Variants in CDH4 observed in about 807,000 individuals in gnomAD.
CDH4 encodes cadherin-4.
CDH4 carries 33 observed loss-of-function variants against 86.0 expected under a neutral mutation model. The ratio of observed to expected loss-of-function variants is 0.38; its 90% CI spans 0.29 to 0.51. The LOEUF is 0.51. CDH4 is among the 20% of genes least tolerant of loss of function. The probability of loss-of-function intolerance (pLI) is 0.86; values close to 1 mark genes in which losing one functional copy is unlikely to be tolerated. For missense variants in CDH4, 1,114 were observed against 1,307.4 expected (o/e 0.85, Z 2.28); for synonymous variants, 555 against 549.4 (o/e 1.01, Z -0.14).
intron 2 of CDH4, among the ~76,000 whole-genome samples, chr20:61,617,128 G>A (rs2086731443): frequency 6.6e-6 from 1 of 152,146 alleles, no homozygotes; most frequent in African/African-American, 2.4e-5. Flanking sequence ...ATCGGCCTTG[G>A]CTCCCACCGC....
chr20:61,644,534 G>A (rs537321281), intron 2 of CDH4, among the ~76,000 whole-genome samples: 6 of 152,194 alleles, frequency 3.9e-5, no homozygotes, highest in South Asian at 2.1e-4. Flanking sequence ...TGACGTGAGC[G>A]GGCTTTCCAG....
chr20:61,608,868 C>T (rs112164912), intron 2 of CDH4, among the ~76,000 whole-genome samples: 9 of 152,150 alleles, frequency 5.9e-5, no homozygotes, highest in East Asian at 5.8e-4. Context: ...GTCCACCTTC[C>T]GTATGCAGAG....
At position 61,684,784 on chromosome 20, in the gene CDH4, G is replaced by A. The variant is rs1045564428; in HGVS notation, c.170-58779G>A. ...CTCCCTCAATCTGCAGCCCACAGCC[G>A]CCTGCCGTGACCACCCCTCGATGTG... On this transcript the variant is annotated intron_variant, in intron 2 of 15. Transcript: ENST00000614565. The surrounding 1 kb of genome is among the most constrained non-coding windows in gnomAD (Gnocchi z 4.5). Among the ~76,000 whole-genome samples the A allele has an allele frequency of 1.3e-5, 2 of 152,068 alleles. No individual in the cohort carries two copies. The highest frequency in any genetic ancestry group is 6.6e-5 in the Admixed American group (1 of 15,262).
chr20:61,492,220 T>C (rs1158031133), intron 2 of CDH4, among the ~76,000 whole-genome samples: 1 of 151,654 alleles, frequency 6.6e-6, no homozygotes, highest in Non-Finnish European at 1.5e-5. Context: ...GGTGTTGATA[T>C]TGTTGATATT....
At chr20:61,311,831 G>C (rs2084447041) in intron 2 of CDH4, among the ~76,000 whole-genome samples, 1 of 152,286 alleles carries the variant, frequency 6.6e-6, no homozygotes. Flanking sequence ...AAAGTGGGTG[G>C]GAGTGTGTGG....
intron 2 of CDH4, among the ~76,000 whole-genome samples, chr20:61,418,462 C>T (rs557388772): frequency 1.3e-5 from 2 of 152,268 alleles, no homozygotes; most frequent in Admixed American, 1.3e-4. Flanking sequence ...CTGCCCGCCT[C>T]AGCCTCCCAA....
In CDH4 at chr20:61,534,817, C is replaced by A. The variant is rs545861317; in HGVS notation, c.170-208746C>A. On this transcript the variant is annotated intron_variant, in intron 2 of 15. Transcript: ENST00000614565. ...CTGTTCATCCTCAACCCGACGGCCTCCCTTGCTGGGACGCTCCTTTGGAGC... is the reference window on the plus strand; with the variant it reads ...CTGTTCATCCTCAACCCGACGGCCTACCTTGCTGGGACGCTCCTTTGGAGC... 2.2e-4 allele frequency among the ~76,000 whole-genome samples: 28 copies of A among 124,660 alleles called. No individual in the cohort carries two copies. The South Asian group carries it at 6.8e-3, about 30-fold the overall frequency. 81.8% of individuals were successfully genotyped at this position (124,660 alleles called of 152,430 possible). A position where few individuals can be genotyped will look rare whatever the true frequency, so the allele number is the denominator to read the frequency against.
intron 7 of CDH4, among the ~76,000 whole-genome samples, chr20:61,889,197 C>T (rs1023968682): frequency 6.6e-6 from 1 of 152,248 alleles, no homozygotes; most frequent in African/African-American, 2.4e-5. Flanking sequence ...TCTCTCACCT[C>T]CCTCAGTTTC....
Position 61,565,228 on chromosome 20 carries a change from T to TAGTGGTCCTCTTGGTGATGG in CDH4, c.170-178335_170-178334insAGTGGTCCTCTTGGTGATGG, listed in dbSNP as rs199958206. 4.8e-3 allele frequency among the ~76,000 whole-genome samples: 139 copies of TAGTGGTCCTCTTGGTGATGG among 29,246 alleles called. 4 individuals are homozygous for TAGTGGTCCTCTTGGTGATGG. Among genetic ancestry groups the TAGTGGTCCTCTTGGTGATGG allele is most frequent in the Non-Finnish European group, 6.7e-3 (88 of 13,180 alleles). 19.2% of individuals were successfully genotyped at this position (29,246 alleles called of 152,430 possible). ...TCGCGGTGCTCTCGGTGGTAGGTGGTGGTGGTGGTGGTGGCGGTGCTCTTG... is the reference window on the plus strand; with the variant it reads ...TCGCGGTGCTCTCGGTGGTAGGTGGTAGTGGTCCTCTTGGTGATGGGGTGGTGGTGGTGGCGGTGCTCTTG... On this transcript the variant is annotated intron_variant, in intron 2 of 15. Coordinates refer to ENST00000614565, the MANE Select transcript of CDH4 (RefSeq NM_001794.5).
At position 61,910,416 on chromosome 20, in the gene CDH4, T is replaced by C. The variant is rs759439816; in HGVS notation, c.1189-6T>C. On this transcript the variant is annotated splice_polypyrimidine_tract_variant and splice_region_variant and intron_variant, in intron 8 of 15. Transcript: ENST00000614565. ...GTTTGTGACATTCTTTCCTTCCATT[T>C]TGCAGTTTGCAGGGGAGGTCCCCGA... 3 of 1,610,978 alleles carry C rather than the reference T, an allele frequency of 1.9e-6. No individual in the cohort carries two copies. The highest frequency in any genetic ancestry group is 2.5e-6 in the Non-Finnish European group (3 of 1,177,506).
At chr20:61,371,543 T>C (rs907280123) in intron 2 of CDH4, among the ~76,000 whole-genome samples, 1 of 152,226 alleles carries the variant, frequency 6.6e-6, no homozygotes, top group Non-Finnish European at 1.5e-5. Context: ...AGACAGCTCG[T>C]TTTTCTTCCT....
chr20:61,375,592 GTGGTGGT>G (rs2084863119), intron 2 of CDH4, among the ~76,000 whole-genome samples: 2 of 143,308 alleles, frequency 1.4e-5, no homozygotes, highest in Non-Finnish European at 3.0e-5. Flanking sequence ...CATAGCACTG[GTGGTGGT>G]CATAGCACTG....
In CDH4 at chr20:61,490,787, A is replaced by T. The variant is rs143243875; in HGVS notation, c.169+235850A>T. 3.5e-3 allele frequency among the ~76,000 whole-genome samples: 535 copies of T among 152,294 alleles called. 3 individuals carry two copies. Among genetic ancestry groups the T allele is most frequent in the African/African-American group, 0.012 (492 of 41,570 alleles). ...CCTGGACTGAGCAGGCCCTGCTCAC[A>T]GCACACGGCTGTCTAATTGTCATGT... On this transcript the variant is annotated intron_variant, in intron 2 of 15. Transcript: ENST00000614565.
chr20:61,766,739 T>C (rs1428199553), intron 3 of CDH4, among the ~76,000 whole-genome samples: 1 of 152,108 alleles, frequency 6.6e-6, no homozygotes, highest in Non-Finnish European at 1.5e-5. Context: ...TCTGCCTGGT[T>C]TCTGAGGCAT....
rs59426596 is a variant in CDH4 at position 61,794,142 on chromosome 20, CA to C, written c.576+20975del. On this transcript the variant is annotated intron_variant, in intron 4 of 15. Transcript: ENST00000614565. ...TGGGCAACAGAGTGAGACTCTATCT[CA>C]AAAAAAAAAAAAAAGAATGAGCCTG... 3.3e-3 allele frequency among the ~76,000 whole-genome samples: 405 copies of C among 121,604 alleles called. 5 individuals are homozygous for C. Among genetic ancestry groups the C allele is most frequent in the African/African-American group, 0.01 (315 of 30,784 alleles). 79.8% of individuals were successfully genotyped at this position (121,604 alleles called of 152,430 possible). A position where few individuals can be genotyped will look rare whatever the true frequency, so the allele number is the denominator to read the frequency against.
intron 2 of CDH4, among the ~76,000 whole-genome samples, chr20:61,335,283 C>T (rs957559750): frequency 6.6e-6 from 1 of 152,144 alleles, no homozygotes; most frequent in Admixed American, 6.5e-5. Flanking sequence ...CAACGGAGAT[C>T]GAAGGTCATT....
intron 2 of CDH4, among the ~76,000 whole-genome samples, chr20:61,469,312 G>A (rs2085489641): frequency 6.6e-6 from 1 of 152,140 alleles, no homozygotes; most frequent in African/African-American, 2.4e-5. Flanking sequence ...GATGAGCAGT[G>A]ATACTGAGCA....
In CDH4 at chr20:61,829,383, A is replaced by G. The variant is rs915721762; in HGVS notation, c.577-15285A>G. Among the ~76,000 whole-genome samples the G allele has an allele frequency of 6.6e-6, 1 of 152,238 alleles. No individual in the cohort carries two copies. Among genetic ancestry groups the G allele is most frequent in the African/African-American group, 2.4e-5 (1 of 41,458 alleles). Reference sequence around the variant, plus strand: ...TAACATTTCACTGTGTGGGTGGACCACGTTTAGCCACTCAGCAGCTGACAG... The same window carrying G: ...TAACATTTCACTGTGTGGGTGGACCGCGTTTAGCCACTCAGCAGCTGACAG... On this transcript the variant is annotated intron_variant, in intron 4 of 15. Transcript: ENST00000614565. The surrounding 1 kb of genome is among the most constrained non-coding windows in gnomAD (Gnocchi z 4.2).
At chr20:61,502,114 G>A (rs890496311) in intron 2 of CDH4, among the ~76,000 whole-genome samples, 1 of 152,134 alleles carries the variant, frequency 6.6e-6, no homozygotes, top group Admixed American at 6.5e-5. Flanking sequence ...AGATAGCTAA[G>A]CAGTGAGCCA....
Sources: gnomAD v4.1 joint callset for allele counts (sites outside exome capture counted in the v4.1 genomes callset) on GRCh38, gnomAD v4.1.1 for gene constraint, Gnocchi (gnomAD v3.1) non-coding constraint, MANE v1.5 for transcripts, NCBI Gene and HGNC (gene_info 2026-07-23, HGNC 2026-07-21) for gene names.